The following PDE11A variants were observed in gnomAD, a reference collection of about 807,000 sequenced individuals.
PDE11A encodes phosphodiesterase 11A.
In PDE11A, 100 loss-of-function variants were observed where a neutral mutation model predicts 100.5. The observed-to-expected ratio is 1.00, with a 90% CI of 0.85 to 1.18. The LOEUF is 1.18. PDE11A is among the 50% of genes most tolerant of loss of function. PDE11A has a pLI of 0.00. For synonymous variants in PDE11A, 381 were observed against 420.8 expected (o/e 0.91, Z 1.16); for missense variants, 1,141 against 1,152.6 (o/e 0.99, Z 0.15).
chr2:177,648,830 AG>A (rs1471597753), intron 19 of PDE11A, among the ~76,000 whole-genome samples: 1 of 152,124 alleles, frequency 6.6e-6, no homozygotes, highest in African/African-American at 2.4e-5. Flanking sequence ...AAACTAGGTA[AG>A]ATAAATAACA....
chr2:178,019,397 G>T (rs899836614), intron 1 of PDE11A, among the ~76,000 whole-genome samples: 3 of 151,972 alleles, frequency 2.0e-5, no homozygotes, highest in Non-Finnish European at 4.4e-5. Flanking sequence ...AAAACAATCT[G>T]CCTACAAGTA....
Position 177,973,306 on chromosome 2 carries a change from G to T in PDE11A, c.1071+40996C>A, listed in dbSNP as rs577322079. On this transcript the variant is annotated intron_variant, in intron 2 of 19. Transcript: ENST00000286063. ...CAAGGGGTCAGGGAGTTCCCTTTCC[G>T]AGTCAAAGAAAGGGGTGACGGACGC... Among the ~76,000 whole-genome samples, 15 of 113,284 alleles carry T rather than the reference G, an allele frequency of 1.3e-4. No individual in the cohort carries two copies. The East Asian group carries it at 2.3e-3, about 17-fold the overall frequency. The allele number at this position is 113,284 out of a possible 152,430, so 74.3% of individuals were successfully genotyped here.
At chr2:178,006,207 TG>T (rs2086208925) in intron 2 of PDE11A, among the ~76,000 whole-genome samples, 1 of 152,222 alleles carries the variant, frequency 6.6e-6, no homozygotes, top group African/African-American at 2.4e-5. Context: ...TGCAATCTTT[TG>T]GGGACTTCTG....
chr2:178,081,044 C>G (rs1490313719), intron 2 of PDE11A, among the ~76,000 whole-genome samples: 3 of 152,054 alleles, frequency 2.0e-5, no homozygotes, highest in African/African-American at 7.2e-5. Context: ...AACCATGAAT[C>G]TGTTGCCAAA....
At chr2:177,800,165 C>G (rs945834051) in intron 9 of PDE11A, among the ~76,000 whole-genome samples, 7 of 130,932 alleles carry the variant, frequency 5.3e-5, no homozygotes, top group African/African-American at 2.0e-4. Context: ...TCCTAACAGT[C>G]TAATTAAAAA....
chr2:177,914,326 A>G (rs966422672), intron 2 of PDE11A, among the ~76,000 whole-genome samples: 4 of 152,168 alleles, frequency 2.6e-5, no homozygotes, highest in Non-Finnish European at 4.4e-5. Context: ...TCTGTTTGAT[A>G]TAATCCATTA....
chr2:177,677,121 G>A (rs1286568093), intron 16 of PDE11A, among the ~76,000 whole-genome samples: 2 of 152,184 alleles, frequency 1.3e-5, no homozygotes, highest in African/African-American at 4.8e-5. Context: ...CTGTCCAGTT[G>A]ATAATTTGAA....
At chr2:177,816,371 A>G (rs538819691) in intron 9 of PDE11A, among the ~76,000 whole-genome samples, 2 of 152,274 alleles carry the variant, frequency 1.3e-5, no homozygotes, top group Middle Eastern at 3.4e-3. Flanking sequence ...TCTTGATGGG[A>G]CATGTGTTGG....
chr2:177,957,062 T>A lies in PDE11A; in HGVS notation c.1072-51875A>T, dbSNP rs13411661. ...AACTTAAAGTATAATAATAATAAAATAAAAAAAAAGAAAAGAGCAAAAAAA... is the reference window on the plus strand; with the variant it reads ...AACTTAAAGTATAATAATAATAAAAAAAAAAAAAAGAAAAGAGCAAAAAAA... On this transcript the variant is annotated intron_variant, in intron 2 of 19. Coordinates refer to ENST00000286063, the MANE Select transcript of PDE11A (RefSeq NM_016953.4). Among the ~76,000 whole-genome samples, 511 of 142,742 alleles carry A rather than the reference T, an allele frequency of 3.6e-3. 4 individuals are homozygous for A. Among genetic ancestry groups the A allele is most frequent in the Middle Eastern group, 0.014 (4 of 284 alleles). The allele number at this position is 142,742 out of a possible 152,430, so 93.6% of individuals were successfully genotyped here.
At chr2:178,003,878 A>T (rs1467548777) in intron 2 of PDE11A, among the ~76,000 whole-genome samples, 9 of 152,174 alleles carry the variant, frequency 5.9e-5, no homozygotes, top group Non-Finnish European at 1.2e-4. Flanking sequence ...AGCTATTCTA[A>T]GACACAGTCC....
At chr2:177,634,353 A>G (rs1268857775) in intron 19 of PDE11A, among the ~76,000 whole-genome samples, 1 of 151,484 alleles carries the variant, frequency 6.6e-6, no homozygotes, top group Non-Finnish European at 1.5e-5. Context: ...CAAAGGTAAC[A>G]AAACTCCTAT....
intron 19 of PDE11A, among the ~76,000 whole-genome samples, chr2:177,638,793 A>G (rs1400882168): frequency 6.6e-6 from 1 of 152,160 alleles, no homozygotes; most frequent in Non-Finnish European, 1.5e-5. Flanking sequence ...CCAATGCCTC[A>G]TGTATTTCAA....
In PDE11A at chr2:177,769,303, G is replaced by A. The variant is rs1285819032; in HGVS notation, c.1788+20C>T. The A allele has an allele frequency of 4.6e-6, 7 of 1,507,342 alleles. No homozygotes were observed. The highest frequency in any genetic ancestry group is 6.5e-6 in the Non-Finnish European group (7 of 1,082,706). 93.4% of individuals were successfully genotyped at this position (1,507,342 alleles called of 1,614,324 possible). ...AAGTTTAACTGTATGCACTAATAAG[G>A]AAACCATTTTCTTCCTTACCTTAAA... is the stretch of plus-strand genomic sequence containing the variant. On this transcript the variant is annotated intron_variant, in intron 10 of 19. Transcript: ENST00000286063.
At chr2:177,697,306 C>A in intron 15 of PDE11A, 26 bp downstream of exon 15, 2 of 1,140,904 alleles carry the variant, frequency 1.8e-6, no homozygotes, top group South Asian at 2.4e-5. Context: ...TTCCATTTGT[C>A]AAACAGATCA....
chr2:177,805,075 AT>A (rs2082849952), intron 9 of PDE11A, among the ~76,000 whole-genome samples: 1 of 135,534 alleles, frequency 7.4e-6, no homozygotes, highest in South Asian at 2.3e-4. Context: ...CCCTAAATAT[AT>A]TTTTTAATTA....
intron 19 of PDE11A, among the ~76,000 whole-genome samples, chr2:177,631,573 G>GTA (rs201208314): frequency 1.5e-4 from 3 of 19,738 alleles, no homozygotes; most frequent in Admixed American, 1.8e-3. Flanking sequence ...ATATATACAT[G>GTA]TATATATATA....
chr2:177,640,840 T>C (rs1241348078), intron 19 of PDE11A, among the ~76,000 whole-genome samples: 1 of 152,212 alleles, frequency 6.6e-6, no homozygotes, highest in Non-Finnish European at 1.5e-5. Context: ...CTGGGCATTA[T>C]CATCTATCTA....
chr2:177,720,730 T>G (rs577525507), intron 12 of PDE11A, among the ~76,000 whole-genome samples: 37 of 152,316 alleles, frequency 2.4e-4, no homozygotes, highest in Admixed American at 7.8e-4. Context: ...CTTATCTTTC[T>G]TTTCAAGATG....
In PDE11A at chr2:177,675,463, A is replaced by C; in HGVS notation, c.2479T>G (p.Ser827Ala). 1 of 1,612,242 alleles carries C rather than the reference A, an allele frequency of 6.2e-7. No homozygotes were observed. The change falls in exon 17 of 20, where the codon TCC becomes GCC. Residue 827 changes from serine (S) to alanine (A), a missense_variant. Physicochemically the swap from Ser to Ala is moderately conservative, Grantham distance 99. Transcript: ENST00000286063. ...LGAVTKPWEI[S>A]RQVAELVTSE... ...CATTAATCACCACTTGCCTGTCTGG[A>C]GATCTCCCACGGTTTGGTCACGGCT... is the stretch of plus-strand genomic sequence containing the variant.
Sources: allele counts gnomAD v4.1 joint callset (sites outside exome capture counted in the v4.1 genomes callset), GRCh38; gene constraint gnomAD v4.1.1; transcripts MANE v1.5; gene names NCBI Gene and HGNC (gene_info 2026-07-23, HGNC 2026-07-21).